The following TMEM232 variants were observed in gnomAD, a reference collection of about 807,000 sequenced individuals.
TMEM232 encodes transmembrane protein 232.
A neutral mutation model predicts 78.8 loss-of-function variants in TMEM232; 80 were observed. The observed-to-expected ratio is 1.01, with a 90% confidence interval of 0.85 to 1.22. TMEM232 has a LOEUF of 1.22. Among genes scored for constraint, TMEM232 ranks in the 50% most tolerant of loss-of-function variants. The pLI is 0.00. For synonymous variants in TMEM232, 297 were observed against 254.3 expected (o/e 1.17, Z -1.60); for missense variants, 881 against 742.2 (o/e 1.19, Z -2.17).
chr5:110,471,112 T>C (rs1433901463), intron 12 of TMEM232, among the ~76,000 whole-genome samples: 3 of 151,860 alleles, frequency 2.0e-5, no homozygotes, highest in Non-Finnish European at 4.4e-5. Context: ...AAAAGTACAA[T>C]AGAGAGCTTC....
chr5:110,467,612 A>C (rs1762219445), intron 12 of TMEM232, among the ~76,000 whole-genome samples: 1 of 152,248 alleles, frequency 6.6e-6, no homozygotes, highest in Non-Finnish European at 1.5e-5. Flanking sequence ...TACAACAAAT[A>C]CATAAAAATT....
At chr5:110,734,623 A>G (rs1443744074) in intron 2 of TMEM232, among the ~76,000 whole-genome samples, 1 of 152,220 alleles carries the variant, frequency 6.6e-6, no homozygotes, top group Non-Finnish European at 1.5e-5. Context: ...AAGAAAATTT[A>G]TACCCAATTC....
At chr5:110,428,346 A>G (rs1027667839) in intron 12 of TMEM232, among the ~76,000 whole-genome samples, 3 of 151,878 alleles carry the variant, frequency 2.0e-5, no homozygotes, top group Non-Finnish European at 4.4e-5. Flanking sequence ...TCACTTTAGA[A>G]AACTTTCAAT....
At chr5:110,454,912 T>TA (rs61425796) in intron 12 of TMEM232, among the ~76,000 whole-genome samples, 5,626 of 145,012 alleles carry the variant, frequency 0.039, 175 homozygotes, top group African/African-American at 0.09. Flanking sequence ...TCGTAAAGAT[T>TA]AAAAAAAAAA....
chr5:110,629,873 G>C (rs1168975064), intron 5 of TMEM232, among the ~76,000 whole-genome samples: 2 of 152,086 alleles, frequency 1.3e-5, no homozygotes, highest in South Asian at 2.1e-4. Context: ...TGTACACTTA[G>C]AGCTAGATTG....
At chr5:110,575,704 T>C (rs1050569686) in intron 10 of TMEM232, among the ~76,000 whole-genome samples, 8 of 152,040 alleles carry the variant, frequency 5.3e-5, no homozygotes, top group East Asian at 1.9e-4. Flanking sequence ...GGGAGCAACA[T>C]GGAGCCAAGC....
chr5:110,651,713 G>C (rs1461609272), intron 2 of TMEM232, among the ~76,000 whole-genome samples: 1 of 152,076 alleles, frequency 6.6e-6, no homozygotes, highest in African/African-American at 2.4e-5. Flanking sequence ...AGGGGCACCA[G>C]CAGGAATGTG....
intron 1 of TMEM232, among the ~76,000 whole-genome samples, chr5:110,724,143 A>C (rs763751219): frequency 1.3e-5 from 2 of 152,180 alleles, no homozygotes; most frequent in Non-Finnish European, 2.9e-5. Flanking sequence ...TGTAATAATA[A>C]TAACTCTTGC....
intron 2 of TMEM232, among the ~76,000 whole-genome samples, chr5:110,664,500 A>G (rs1196246241): frequency 6.6e-6 from 1 of 152,254 alleles, no homozygotes; most frequent in Non-Finnish European, 1.5e-5. Flanking sequence ...ATGGTTAAAC[A>G]GCTGAAACTG....
At chr5:110,611,849 T>C (rs542211745) in intron 8 of TMEM232, among the ~76,000 whole-genome samples, 15 of 152,044 alleles carry the variant, frequency 9.9e-5, no homozygotes, top group Non-Finnish European at 2.1e-4. Flanking sequence ...GGTTATGACA[T>C]TGGGAACAGA....
intron 11 of TMEM232, among the ~76,000 whole-genome samples, chr5:110,529,440 T>A (rs751288630): frequency 3.3e-5 from 5 of 152,024 alleles, no homozygotes; most frequent in Non-Finnish European, 7.4e-5. Flanking sequence ...AGAGATGGGG[T>A]TTCATCATGT....
chr5:110,641,968 C>G (rs908497315), intron 3 of TMEM232, among the ~76,000 whole-genome samples: 1 of 152,036 alleles, frequency 6.6e-6, no homozygotes, highest in Non-Finnish European at 1.5e-5. Flanking sequence ...CACAGCATAT[C>G]TCAATTAACT....
At chr5:110,401,010 C>T (rs549128285) in intron 2 of TMEM232, among the ~76,000 whole-genome samples, 1 of 152,166 alleles carries the variant, frequency 6.6e-6, no homozygotes, top group South Asian at 2.1e-4. Flanking sequence ...TATATCAAAA[C>T]AACTTTCTGC....
chr5:110,459,373 A>G (rs1465973508), intron 12 of TMEM232, among the ~76,000 whole-genome samples: 2 of 152,138 alleles, frequency 1.3e-5, no homozygotes, highest in Non-Finnish European at 2.9e-5. Flanking sequence ...TATAGCACCG[A>G]GTTTGATCTT....
chr5:110,515,228 G>A (rs779708129), intron 12 of TMEM232, among the ~76,000 whole-genome samples: 1 of 152,154 alleles, frequency 6.6e-6, no homozygotes, highest in Non-Finnish European at 1.5e-5. Context: ...ATGTGGTGTG[G>A]CAAACAAAAT....
At chr5:110,620,769 T>C (rs113659744) in intron 7 of TMEM232, among the ~76,000 whole-genome samples, 7,264 of 150,658 alleles carry the variant, frequency 0.048, 271 homozygotes, top group Middle Eastern at 0.066. Flanking sequence ...ATTGACATCA[T>C]CAAGAGGAAA....
intron 3 of TMEM232, among the ~76,000 whole-genome samples, chr5:110,391,808 CT>C (rs1354876339): frequency 6.6e-6 from 1 of 152,178 alleles, no homozygotes; most frequent in Non-Finnish European, 1.5e-5. Context: ...TAGTACTCCA[CT>C]TGTAAAAACA....
chr5:110,493,022 T>C (rs1032388522), intron 12 of TMEM232, among the ~76,000 whole-genome samples: 3 of 151,882 alleles, frequency 2.0e-5, no homozygotes, highest in Non-Finnish European at 4.4e-5. Context: ...GGGGATAAAT[T>C]ATAATACATT....
chr5:110,447,930 A>G (rs960517820), intron 12 of TMEM232, among the ~76,000 whole-genome samples: 1 of 152,118 alleles, frequency 6.6e-6, no homozygotes, highest in African/African-American at 2.4e-5. Flanking sequence ...TAAATCCAGT[A>G]ATTATGAATT....
Sources: gnomAD v4.1 joint callset for allele counts (sites outside exome capture counted in the v4.1 genomes callset) on GRCh38, gnomAD v4.1.1 for gene constraint, MANE v1.5 for transcripts, NCBI Gene and HGNC (gene_info 2026-07-23, HGNC 2026-07-21) for gene names.